PATJ: variants seen among roughly 807,000 people sequenced by gnomAD.
PATJ encodes PATJ crumbs cell polarity complex component.
In PATJ, 190 loss-of-function variants were observed where a neutral mutation model predicts 224.9. The ratio of observed to expected loss-of-function variants is 0.84; its 90% CI spans 0.75 to 0.95. The LOEUF is 0.95. PATJ is among the 40% of genes least tolerant of loss of function. The probability of loss-of-function intolerance (pLI) is 0.00; values close to 1 mark genes in which losing one functional copy is unlikely to be tolerated. For synonymous variants in PATJ, 769 were observed against 820.3 expected, an observed-to-expected ratio of 0.94 and a Z score of 1.07; for missense variants, 2,121 against 2,270.3, an observed-to-expected ratio of 0.93 and a Z score of 1.34.
At chr1:61,969,621 C>A (rs1425517927) in intron 27 of PATJ, among the ~76,000 whole-genome samples, 1 of 152,108 alleles carries the variant, frequency 6.6e-6, no homozygotes, top group Non-Finnish European at 1.5e-5. Flanking sequence ...ATATTATATA[C>A]CCTTATCAGA....
At chr1:61,853,373 G>A (rs1663139671) in intron 17 of PATJ, among the ~76,000 whole-genome samples, 1 of 152,162 alleles carries the variant, frequency 6.6e-6, no homozygotes, top group African/African-American at 2.4e-5. Flanking sequence ...ATCTGAAACT[G>A]CAGAGATTGT....
In PATJ at chr1:62,023,960, A is replaced by G. The variant is rs1647281360; in HGVS notation, c.3959+6013A>G. On this transcript the variant is annotated intron_variant, in intron 29 of 43. Coordinates refer to ENST00000642238, the MANE Select transcript of PATJ (RefSeq NM_001350145.3). ...CTGCATCTATTGAGATGATCATCAT[A>G]TGATTTTCGCTTTTGATTCTGTTTA... is the stretch of plus-strand genomic sequence containing the variant. Among the ~76,000 whole-genome samples the G allele has an allele frequency of 2.0e-5, 3 of 152,114 alleles. No homozygotes were observed. The South Asian group carries it at 6.2e-4, about 32-fold the overall frequency.
At chr1:62,146,654 G>A (rs1247818476) in intron 41 of PATJ, among the ~76,000 whole-genome samples, 2 of 152,044 alleles carry the variant, frequency 1.3e-5, no homozygotes, top group Non-Finnish European at 2.9e-5. Context: ...GCGGGTGCCT[G>A]TAATCCCAGC....
At chr1:61,863,556 A>T (rs1302934751) in intron 19 of PATJ, among the ~76,000 whole-genome samples, 1 of 152,324 alleles carries the variant, frequency 6.6e-6, no homozygotes, top group East Asian at 1.9e-4. Flanking sequence ...TCTATATGCC[A>T]GGTTTTAGCC....
chr1:61,864,847 T>C (rs1471544738), intron 20 of PATJ, among the ~76,000 whole-genome samples: 1 of 152,030 alleles, frequency 6.6e-6, no homozygotes, highest in Non-Finnish European at 1.5e-5. Flanking sequence ...TAAACTGCAG[T>C]TGCCTTGCTG....
At chr1:61,758,292 T>C (rs553862494) in intron 1 of PATJ, among the ~76,000 whole-genome samples, 1 of 152,204 alleles carries the variant, frequency 6.6e-6, no homozygotes, top group Non-Finnish European at 1.5e-5. Context: ...AATAGTTACA[T>C]ATGACTGATA....
At chr1:62,148,149 A>T in intron 41 of PATJ, 135 bp from the exon 42 acceptor site, 18 of 426,466 alleles carry the variant, frequency 4.2e-5, no homozygotes, top group Non-Finnish European at 6.3e-5. Context: ...AAAGTTTGAG[A>T]GAATAGTCCT....
At chr1:61,975,365 A>C (rs1353856944) in intron 27 of PATJ, among the ~76,000 whole-genome samples, 1 of 152,054 alleles carries the variant, frequency 6.6e-6, no homozygotes, top group Non-Finnish European at 1.5e-5. Flanking sequence ...TATGCTTTTG[A>C]TAGTACCTAA....
chr1:61,959,425 A>ATATATATATTT (rs1557944860), intron 27 of PATJ, among the ~76,000 whole-genome samples: 1 of 61,152 alleles, frequency 1.6e-5, no homozygotes, highest in African/African-American at 6.7e-5. Context: ...TATATAATAT[A>ATATATATATTT]TTTTTTTTCT....
chr1:62,021,430 T>G (rs1199766591), intron 29 of PATJ, among the ~76,000 whole-genome samples: 1 of 152,200 alleles, frequency 6.6e-6, no homozygotes, highest in Non-Finnish European at 1.5e-5. Flanking sequence ...AAACCTTTCC[T>G]GCATGGTCAT....
intron 29 of PATJ, among the ~76,000 whole-genome samples, chr1:62,037,464 C>A (rs1187065392): frequency 6.6e-6 from 1 of 152,138 alleles, no homozygotes; most frequent in African/African-American, 2.4e-5. Flanking sequence ...TGCCCTCCCC[C>A]TCAATCACTC....
chr1:62,121,784 A>AAAG lies in PATJ; in HGVS notation c.5005+491_5005+492insGAA, dbSNP rs77004631. 2.2e-4 allele frequency among the ~76,000 whole-genome samples: 33 copies of AAAG among 150,174 alleles called. 1 individual carries two copies. The highest frequency in any genetic ancestry group is 3.3e-4 in the Admixed American group (5 of 15,090). ...GCAAGACTCCGTCTCCAGAAAAAAA[A>AAAG]AAAGAAATTCCTTCAGTGGCACAAC... On this transcript the variant is annotated intron_variant, in intron 38 of 43. Coordinates refer to ENST00000642238, the MANE Select transcript of PATJ (RefSeq NM_001350145.3).
At chr1:62,045,929 A>G (rs911470004) in intron 30 of PATJ, among the ~76,000 whole-genome samples, 2 of 152,108 alleles carry the variant, frequency 1.3e-5, no homozygotes, top group Non-Finnish European at 2.9e-5. Flanking sequence ...GGCCAGGCAC[A>G]GGGGCTCATG....
rs1669794621 is a variant in PATJ at position 62,161,054 on chromosome 1, A to C, written c.5649A>C (p.Ter1883CysextTer8). 5 of 1,529,594 alleles carry C rather than the reference A, an allele frequency of 3.3e-6. No individual in the cohort carries two copies. The highest frequency in any genetic ancestry group is 4.4e-6 in the Non-Finnish European group (5 of 1,138,986). The allele number at this position is 1,529,594 out of a possible 1,614,324, so 94.8% of individuals were successfully genotyped here. Residue 1883 changes from the stop codon to cysteine (C), a stop_lost, in exon 44 of 44, where the codon TGA (stop) becomes TGC (cysteine). Coordinates refer to ENST00000642238, the MANE Select transcript of PATJ (RefSeq NM_001350145.3). ...RGTVTLTVLS[*>C] is the part of the protein sequence containing the mutation. ...CTGTAACCTTAACTGTGCTGTCATG[A>C]GCCTCGGGCCTGATCACAAGATAGA...
intron 31 of PATJ, among the ~76,000 whole-genome samples, chr1:62,065,881 C>A (rs540578030): frequency 6.6e-6 from 1 of 152,332 alleles, no homozygotes; most frequent in South Asian, 2.1e-4. Context: ...TCCCACTGCT[C>A]CTCAGAAACA....
At position 61,981,823 on chromosome 1, in the gene PATJ, C is replaced by T. The variant is rs183289597; in HGVS notation, c.3671-8345C>T. Among the ~76,000 whole-genome samples the T allele has an allele frequency of 2.0e-5, 3 of 152,128 alleles. No homozygotes were observed. The East Asian group carries it at 5.8e-4, about 29-fold the overall frequency. Reference sequence around the variant, plus strand: ...AGTAGCTGGGATTACAGGCATGTGCCACCACATCCAGCTAATTTTGGATTT... The same window carrying T: ...AGTAGCTGGGATTACAGGCATGTGCTACCACATCCAGCTAATTTTGGATTT... On this transcript the variant is annotated intron_variant, in intron 27 of 43. Coordinates refer to ENST00000642238, the MANE Select transcript of PATJ (RefSeq NM_001350145.3).
intron 31 of PATJ, among the ~76,000 whole-genome samples, chr1:62,079,089 CATAG>C (rs922578115): frequency 6.6e-6 from 1 of 151,992 alleles, no homozygotes; most frequent in African/African-American, 2.4e-5. Flanking sequence ...CTTCAAAGTC[CATAG>C]ATAAAGGGGC....
intron 13 of PATJ, 130 bp from the exon 14 acceptor site, chr1:61,808,344 A>T: frequency 1.5e-6 from 1 of 656,972 alleles, no homozygotes; most frequent in Non-Finnish European, 2.7e-6. Context: ...TTTCAAAAAT[A>T]TAAGAAAGGT....
intron 7 of PATJ, 101 bp from the exon 8 acceptor site, chr1:61,787,649 CTTCT>C (rs1362624211): frequency 1.6e-5 from 13 of 795,160 alleles, no homozygotes; most frequent in Non-Finnish European, 2.5e-5. Flanking sequence ...TTTTAGGTGG[CTTCT>C]TTGTCAGCCA....
Sources: allele counts gnomAD v4.1 joint callset (sites outside exome capture counted in the v4.1 genomes callset), GRCh38; gene constraint gnomAD v4.1.1; transcripts MANE v1.5; gene names NCBI Gene and HGNC (gene_info 2026-07-23, HGNC 2026-07-21).